ATRNL1: variants seen among roughly 807,000 people sequenced by gnomAD.
ATRNL1 encodes the protein attractin like 1.
Under a neutral mutation model 182.7 loss-of-function variants are expected in ATRNL1, and 95 were observed. The observed-to-expected ratio is 0.52, with a 90% CI of 0.44 to 0.62. ATRNL1 has a LOEUF of 0.62. Among genes scored for constraint, ATRNL1 ranks in the 20% least tolerant of loss-of-function variants. ATRNL1 has a pLI of 0.00. For synonymous variants in ATRNL1, 576 were observed against 568.3 expected (o/e 1.01, Z -0.19); for missense variants, 1,471 against 1,679.5 (o/e 0.88, Z 2.17).
rs549427770 is a variant in ATRNL1, at chr10:115,678,369, C to T, written c.3796-48879C>T. ...TCTCTATAGGTTAAGAAATAAACTA[C>T]GAATCTTTTTATAAAATTGATTATG... On this transcript the variant is annotated intron_variant, in intron 26 of 28. Transcript: ENST00000355044. Among the ~76,000 whole-genome samples the T allele has an allele frequency of 4.6e-4, 70 of 152,056 alleles. 1 individual carries two copies. In the South Asian group the frequency reaches 9.6e-3, roughly 21 times the overall value.
At chr10:115,470,005 A>T (rs1848229028) in intron 24 of ATRNL1, among the ~76,000 whole-genome samples, 1 of 150,480 alleles carries the variant, frequency 6.6e-6, no homozygotes, top group South Asian at 2.1e-4. Context: ...GATTAGATTG[A>T]ATTTACATTA....
At chr10:115,281,261 T>C in intron 13 of ATRNL1, 94 bp from the exon 14 acceptor site, 1 of 1,061,406 alleles carries the variant, frequency 9.4e-7, no homozygotes, top group Non-Finnish European at 1.3e-6. Flanking sequence ...GAAATGTTTA[T>C]TTTAAAGTTC....
intron 26 of ATRNL1, among the ~76,000 whole-genome samples, chr10:115,679,744 A>G (rs1193202951): frequency 6.6e-6 from 1 of 152,084 alleles, no homozygotes; most frequent in African/African-American, 2.4e-5. Flanking sequence ...TGTCATTCAA[A>G]GTCTTCCTCA....
intron 9 of ATRNL1, among the ~76,000 whole-genome samples, chr10:115,228,664 A>G (rs1554899222): frequency 1.3e-5 from 2 of 152,022 alleles, no homozygotes; most frequent in African/African-American, 4.8e-5. Context: ...AATTTATTAA[A>G]CTTTACCATT....
At chr10:115,408,364 T>C (rs570530921) in intron 20 of ATRNL1, among the ~76,000 whole-genome samples, 2 of 152,308 alleles carry the variant, frequency 1.3e-5, no homozygotes, top group Admixed American at 6.5e-5. Context: ...GCTGGTGATT[T>C]TGTATGTCTT....
chr10:115,646,756 ATTATC>A (rs537300150), intron 26 of ATRNL1, among the ~76,000 whole-genome samples: 207 of 151,716 alleles, frequency 1.4e-3, no homozygotes, highest in African/African-American at 4.6e-3. Flanking sequence ...TATACATACT[ATTATC>A]TAATCTGCTT....
At chr10:115,818,168 A>G (rs1171433180) in intron 27 of ATRNL1, among the ~76,000 whole-genome samples, 4 of 142,290 alleles carry the variant, frequency 2.8e-5, no homozygotes, top group Non-Finnish European at 6.0e-5. Context: ...GCTAAAGTCC[A>G]GGGTTTATTT....
At chr10:115,168,604 A>G (rs1171128656) in intron 7 of ATRNL1, among the ~76,000 whole-genome samples, 1 of 151,986 alleles carries the variant, frequency 6.6e-6, no homozygotes, top group African/African-American at 2.4e-5. Flanking sequence ...GGCCATTTGT[A>G]TATTGTCTTT....
At chr10:115,221,607 G>T (rs1849469413) in intron 9 of ATRNL1, among the ~76,000 whole-genome samples, 1 of 152,264 alleles carries the variant, frequency 6.6e-6, no homozygotes, top group Non-Finnish European at 1.5e-5. Context: ...CAGGCATTTT[G>T]TGTAATTTTA....
intron 26 of ATRNL1, among the ~76,000 whole-genome samples, chr10:115,572,255 G>C (rs548925826): frequency 1.1e-4 from 16 of 152,220 alleles, no homozygotes; most frequent in Middle Eastern, 3.4e-3. Flanking sequence ...TATGGAGAAT[G>C]GATTATAGGG....
intron 26 of ATRNL1, among the ~76,000 whole-genome samples, chr10:115,657,874 A>G (rs1860423580): frequency 1.3e-5 from 2 of 152,132 alleles, no homozygotes; most frequent in Admixed American, 1.3e-4. Context: ...CTGGATTAAT[A>G]CATAAAATGT....
intron 28 of ATRNL1, among the ~76,000 whole-genome samples, chr10:115,932,103 A>T (rs1218264735): frequency 6.6e-6 from 1 of 152,170 alleles, no homozygotes; most frequent in African/African-American, 2.4e-5. Context: ...TTGCTCCCAA[A>T]GGCAAAATGG....
intron 27 of ATRNL1, among the ~76,000 whole-genome samples, chr10:115,754,293 T>C (rs1948527139): frequency 6.6e-6 from 1 of 152,338 alleles, no homozygotes; most frequent in South Asian, 2.1e-4. Flanking sequence ...TTCTATGGTT[T>C]TTGTGGTTTT....
chr10:115,471,280 T>C (rs34712489), intron 24 of ATRNL1, among the ~76,000 whole-genome samples: 29,627 of 150,892 alleles, frequency 0.2, 3,090 homozygotes, highest in South Asian at 0.24. Flanking sequence ...GTATCTTGGC[T>C]ATTGGAAATA....
chr10:115,698,786 A>C (rs1338976451), intron 26 of ATRNL1, among the ~76,000 whole-genome samples: 1 of 151,972 alleles, frequency 6.6e-6, no homozygotes, highest in Non-Finnish European at 1.5e-5. Context: ...CAAAAAAAAA[A>C]AGAAGAAGAA....
chr10:115,329,719 G>T, intron 18 of ATRNL1, among the ~76,000 whole-genome samples: 1 of 151,882 alleles, frequency 6.6e-6, no homozygotes, highest in South Asian at 2.1e-4. Context: ...TTTTCCATTT[G>T]CGTGCAATAT....
intron 28 of ATRNL1, among the ~76,000 whole-genome samples, chr10:115,873,188 T>G (rs1052520324): frequency 6.6e-6 from 1 of 152,200 alleles, no homozygotes; most frequent in African/African-American, 2.4e-5. Flanking sequence ...AACTTCTACC[T>G]GTACTGTCAG....
rs552618051 is a variant in ATRNL1, at chr10:115,708,957, G to T, written c.3796-18291G>T. 2.6e-5 allele frequency among the ~76,000 whole-genome samples: 4 copies of T among 151,724 alleles called. No individual in the cohort carries two copies. The East Asian group carries it at 7.7e-4, about 29-fold the overall frequency. On this transcript the variant is annotated intron_variant, in intron 26 of 28. Transcript: ENST00000355044. ...TTTGAAGCAAGTAAGCAATGAATTGGGAAAATAAATTATGATTGTTTACTT... is the reference window on the plus strand; with the variant it reads ...TTTGAAGCAAGTAAGCAATGAATTGTGAAAATAAATTATGATTGTTTACTT...
chr10:115,171,206 T>G lies in ATRNL1; in HGVS notation c.1262T>G (p.Leu421Trp), dbSNP rs1262177826. 1 of 1,610,714 alleles carries G rather than the reference T, an allele frequency of 6.2e-7. No homozygotes were observed. The highest frequency in any genetic ancestry group is 8.5e-7 in the Non-Finnish European group (1 of 1,177,878). ...VEGHSAHIMELDSRDVVMIII... is the reference protein window; with the variant it reads ...VEGHSAHIMEWDSRDVVMIII... ...GGACATTCAGCACATATTATGGAGTTGGATAGTAGAGATGTTGTCATGATC... is the reference window on the plus strand; with the variant it reads ...GGACATTCAGCACATATTATGGAGTGGGATAGTAGAGATGTTGTCATGATC... The change falls in exon 8 of 29, where the codon TTG becomes TGG. Residue 421 changes from leucine (L) to tryptophan (W), a missense_variant. This residue lies in a region of ATRNL1 where 1,031 missense variants were observed against 1,156.0 expected (regional missense o/e 0.89). Coordinates refer to ENST00000355044, the MANE Select transcript of ATRNL1 (RefSeq NM_207303.4).
Sources: allele counts gnomAD v4.1 joint callset (sites outside exome capture counted in the v4.1 genomes callset), GRCh38; gene constraint gnomAD v4.1.1; regional missense constraint gnomAD v4.1.1; transcripts MANE v1.5; gene names NCBI Gene and HGNC (gene_info 2026-07-23, HGNC 2026-07-21).